Variants in TSPEAR observed in about 807,000 individuals in gnomAD.
TSPEAR encodes thrombospondin type laminin G domain and EAR repeats.
In TSPEAR, 69 loss-of-function variants were observed where a neutral mutation model predicts 71.6. The observed-to-expected ratio is 0.96, with a 90% CI of 0.79 to 1.18. The LOEUF is 1.18. Ranked by LOEUF, TSPEAR falls within the 50% of genes most tolerant of loss-of-function variation. The probability of loss-of-function intolerance (pLI) is 0.00; values close to 1 mark genes in which losing one functional copy is unlikely to be tolerated. For synonymous variants in TSPEAR, 402 were observed against 387.2 expected, an observed-to-expected ratio of 1.04 and a Z score of -0.45; for missense variants, 971 against 894.9, an observed-to-expected ratio of 1.09 and a Z score of -1.09.
intron 1 of TSPEAR, chr21:44,698,047 G>A (rs13051842): frequency 0.29 from 388,636 of 1,361,088 alleles, 58,371 homozygotes; most frequent in Admixed American, 0.38. Context: ...GGCTGCTCTG[G>A]TGTCTGTCTC....
rs1986367031 is a variant in TSPEAR at position 44,677,389 on chromosome 21, C to A, written c.82+34044G>T. ...TTGGAGTGTGCATTGACAGCCTGGACCACAGTGTTCTGAGCTGCAATCGCC... is the reference window on the plus strand; with the variant it reads ...TTGGAGTGTGCATTGACAGCCTGGAACACAGTGTTCTGAGCTGCAATCGCC... On this transcript the variant is annotated intron_variant, in intron 1 of 11. Transcript: ENST00000323084. 3 of 1,360,672 alleles carry A rather than the reference C, an allele frequency of 2.2e-6. No individual in the cohort carries two copies. The East Asian group carries it at 6.9e-5, about 31-fold the overall frequency. The allele number at this position is 1,360,672 out of a possible 1,614,324, so 84.3% of individuals were successfully genotyped here. A position where few individuals can be genotyped will look rare whatever the true frequency, so the allele number is the denominator to read the frequency against.
chr21:44,654,408 G>C (rs1555942092), intron 1 of TSPEAR: 4 of 1,614,212 alleles, frequency 2.5e-6, no homozygotes, highest in Non-Finnish European at 3.4e-6. Context: ...GCACACAGCA[G>C]GCCACCTGGC....
chr21:44,645,862 G>A (rs891140167), intron 1 of TSPEAR, among the ~76,000 whole-genome samples: 8 of 151,890 alleles, frequency 5.3e-5, no homozygotes, highest in East Asian at 3.9e-4. Flanking sequence ...TTTTCCGGCC[G>A]GACGCGGTGG....
intron 1 of TSPEAR, chr21:44,676,998 A>C: frequency 1.1e-6 from 1 of 917,278 alleles, no homozygotes; most frequent in South Asian, 1.3e-5. Context: ...TCCACCCAGG[A>C]AGGACTTCTG....
rs587713314 is a variant in TSPEAR, at chr21:44,558,395, T to A, written c.303+9390A>T. The A allele has an allele frequency of 1.6e-4, 253 of 1,610,800 alleles. No homozygotes were observed. In the South Asian group the frequency reaches 1.8e-3, roughly 11 times the overall value. On this transcript the variant is annotated intron_variant, in intron 2 of 11. Coordinates refer to ENST00000323084, the MANE Select transcript of TSPEAR (RefSeq NM_144991.3). Reference sequence around the variant, plus strand: ...TGCAGCAGACGGGCACACAGCAGACTGGCTTGCAGCAGACAGGCACGCAGC... The same window carrying A: ...TGCAGCAGACGGGCACACAGCAGACAGGCTTGCAGCAGACAGGCACGCAGC...
At chr21:44,680,974 T>C (rs1160289732) in intron 1 of TSPEAR, among the ~76,000 whole-genome samples, 1 of 152,214 alleles carries the variant, frequency 6.6e-6, no homozygotes, top group African/African-American at 2.4e-5. Flanking sequence ...GTTAACAATG[T>C]ATTGTATGTC....
intron 1 of TSPEAR, among the ~76,000 whole-genome samples, chr21:44,705,236 C>G (rs1555952143): frequency 6.6e-6 from 1 of 152,204 alleles, no homozygotes; most frequent in Non-Finnish European, 1.5e-5. Context: ...ATTTCCTATG[C>G]CTGTCTTTAC....
chr21:44,612,834 G>A lies in TSPEAR; in HGVS notation c.83-44829C>T, dbSNP rs1555931536. On this transcript the variant is annotated intron_variant, in intron 1 of 11. Coordinates refer to ENST00000323084, the MANE Select transcript of TSPEAR (RefSeq NM_144991.3). This position sits in a 1 kb window ranked among gnomAD's most constrained non-coding sequence, Gnocchi z 4.1. ...CCCAGCTGCTGCCACCCGGCCTCCT[G>A]CCTGTCCTTCCTCTGCCGCCCCGCG... The A allele has an allele frequency of 6.2e-6, 10 of 1,612,574 alleles. No individual in the cohort carries two copies. The highest frequency in any genetic ancestry group is 8.5e-6 in the Non-Finnish European group (10 of 1,179,740).
intron 2 of TSPEAR, among the ~76,000 whole-genome samples, chr21:44,567,043 C>T (rs2053712634): frequency 6.6e-6 from 1 of 152,056 alleles, no homozygotes; most frequent in Non-Finnish European, 1.5e-5. Flanking sequence ...TTTTGTGCTC[C>T]AAAGGGCTCT....
chr21:44,618,191 G>C (rs1329733929), intron 1 of TSPEAR, among the ~76,000 whole-genome samples: 2 of 152,188 alleles, frequency 1.3e-5, no homozygotes, highest in African/African-American at 4.8e-5. Flanking sequence ...CCCCCATGCT[G>C]TTGTAGTGAT....
At position 44,533,692 on chromosome 21, in the gene TSPEAR, C is replaced by G; in HGVS notation, c.535G>C (p.Val179Leu). The G allele has an allele frequency of 6.2e-7, 1 of 1,607,300 alleles. No homozygotes were observed. The highest frequency in any genetic ancestry group is 1.1e-5 in the South Asian group (1 of 90,904). ...CCCCGGGTGGGTACCTACATGTCCACCGGGAGGCCGCAGTCCGTGGTGAGG... is the reference window on the plus strand; with the variant it reads ...CCCCGGGTGGGTACCTACATGTCCAGCGGGAGGCCGCAGTCCGTGGTGAGG... ...FSLTTDCGLP[V>L]DIMADVPFPA... Residue 179 changes from valine to leucine, a missense_variant, in exon 3 of 12, where the codon GTG (valine) becomes CTG (leucine). Val to Leu is a conservative substitution (Grantham distance 32, BLOSUM62 1). Coordinates refer to ENST00000323084, the MANE Select transcript of TSPEAR (RefSeq NM_144991.3).
In TSPEAR at chr21:44,704,753, G is replaced by T. The variant is rs144210726; in HGVS notation, c.82+6680C>A. Reference sequence around the variant, plus strand: ...TGGCAGGTGCTGCCCACTCAGCCATGCGCTGCCTCCACACCCATCACTGGG... The same window carrying T: ...TGGCAGGTGCTGCCCACTCAGCCATTCGCTGCCTCCACACCCATCACTGGG... On this transcript the variant is annotated intron_variant, in intron 1 of 11. Transcript: ENST00000323084. 4.6e-5 allele frequency among the ~76,000 whole-genome samples: 7 copies of T among 152,320 alleles called. No individual in the cohort carries two copies. The East Asian group carries it at 1.3e-3, about 29-fold the overall frequency.
At chr21:44,530,414 T>C (rs983055391) in intron 4 of TSPEAR, among the ~76,000 whole-genome samples, 2 of 150,962 alleles carry the variant, frequency 1.3e-5, no homozygotes, top group Admixed American at 1.3e-4. Flanking sequence ...CACCCATCCA[T>C]TCATCCATCC....
chr21:44,571,993 C>T (rs994803474), intron 1 of TSPEAR, among the ~76,000 whole-genome samples: 8 of 152,178 alleles, frequency 5.3e-5, no homozygotes, highest in Admixed American at 3.3e-4. Context: ...TGGGCAGACG[C>T]AGGACAGCTG....
At chr21:44,516,817 T>C (rs587683763) in intron 9 of TSPEAR, among the ~76,000 whole-genome samples, 5 of 152,206 alleles carry the variant, frequency 3.3e-5, no homozygotes, top group Non-Finnish European at 7.4e-5. Flanking sequence ...GTGATCTATG[T>C]ACGCTGCTTT....
chr21:44,656,610 T>C (rs1985162471), intron 1 of TSPEAR, among the ~76,000 whole-genome samples: 1 of 152,218 alleles, frequency 6.6e-6, no homozygotes, highest in Non-Finnish European at 1.5e-5. Context: ...AATAATTTTT[T>C]GATTTTCATT....
At chr21:44,627,587 CCTGCTGTGTGCCCGT>C in intron 1 of TSPEAR, 1 of 1,613,322 alleles carries the variant, frequency 6.2e-7, no homozygotes, top group Non-Finnish European at 8.5e-7. Flanking sequence ...TGCCAGCCGG[CCTGCTGTGTGCCCGT>C]CTGCTGCAAA....
chr21:44,582,129 G>A (rs587730529), intron 1 of TSPEAR, among the ~76,000 whole-genome samples: 278 of 152,364 alleles, frequency 1.8e-3, no homozygotes, highest in African/African-American at 6.2e-3. Flanking sequence ...AGCCAGGAAG[G>A]CTAGGATGAC....
At chr21:44,650,657 G>A (rs1984731229) in intron 1 of TSPEAR, among the ~76,000 whole-genome samples, 1 of 152,250 alleles carries the variant, frequency 6.6e-6, no homozygotes, top group Non-Finnish European at 1.5e-5. Context: ...CGTGAGATGT[G>A]AGCTTCTGCC....
Sources: allele counts gnomAD v4.1 joint callset (sites outside exome capture counted in the v4.1 genomes callset), GRCh38; gene constraint gnomAD v4.1.1; non-coding constraint Gnocchi (gnomAD v3.1); transcripts MANE v1.5; gene names NCBI Gene and HGNC (gene_info 2026-07-23, HGNC 2026-07-21).